Variants in SNTG1 observed in about 807,000 individuals in gnomAD.
SNTG1 encodes syntrophin gamma 1.
In SNTG1, 39 loss-of-function variants were observed where a neutral mutation model predicts 74.7. The observed-to-expected ratio is 0.52, with a 90% CI of 0.40 to 0.68. The LOEUF (loss-of-function observed/expected upper bound fraction) is 0.68. SNTG1 is among the 30% of genes least tolerant of loss of function. The probability of loss-of-function intolerance (pLI) is 0.00; values close to 1 mark genes in which losing one functional copy is unlikely to be tolerated. For synonymous variants in SNTG1, 254 were observed against 217.1 expected (o/e 1.17, Z -1.49); for missense variants, 685 against 609.5 (o/e 1.12, Z -1.30).
chr8:50,079,414 T>TG (rs963556730), intron 1 of SNTG1, among the ~76,000 whole-genome samples: 2 of 151,594 alleles, frequency 1.3e-5, no homozygotes, highest in African/African-American at 4.8e-5. Flanking sequence ...TTGTTTGTTT[T>TG]TTTTTTTCTT....
intron 2 of SNTG1, among the ~76,000 whole-genome samples, chr8:50,231,401 A>G (rs1172067002): frequency 6.6e-6 from 1 of 151,448 alleles, no homozygotes; most frequent in Non-Finnish European, 1.5e-5. Context: ...AAAAGATTTG[A>G]AATCAATATG....
At chr8:50,209,481 G>A (rs7817519) in intron 2 of SNTG1, among the ~76,000 whole-genome samples, 3 of 152,266 alleles carry the variant, frequency 2.0e-5, no homozygotes, top group South Asian at 2.1e-4. Flanking sequence ...AGTAGGGGCC[G>A]ACTGACACCT....
At chr8:50,206,630 T>A (rs1245238086) in intron 2 of SNTG1, among the ~76,000 whole-genome samples, 1 of 152,214 alleles carries the variant, frequency 6.6e-6, no homozygotes, top group Non-Finnish European at 1.5e-5. Context: ...AGAGAGGGCA[T>A]CCCTGTCTTG....
intron 8 of SNTG1, among the ~76,000 whole-genome samples, chr8:50,497,705 TA>T (rs2093916523): frequency 1.3e-5 from 2 of 151,966 alleles, no homozygotes; most frequent in African/African-American, 4.8e-5. Context: ...ATCAAGGTAA[TA>T]AAATACTCAT....
intron 2 of SNTG1, among the ~76,000 whole-genome samples, chr8:50,388,836 G>C (rs1216141096): frequency 6.6e-6 from 1 of 152,160 alleles, no homozygotes; most frequent in African/African-American, 2.4e-5. Flanking sequence ...GCACCACCTA[G>C]ATTAGTGTTT....
intron 15 of SNTG1, among the ~76,000 whole-genome samples, chr8:50,677,377 T>A (rs10429418): frequency 0.028 from 4,197 of 152,100 alleles, 169 homozygotes; most frequent in African/African-American, 0.092. Context: ...ATCTGGTTAG[T>A]AAAATTTTAT....
intron 17 of SNTG1, among the ~76,000 whole-genome samples, chr8:50,710,854 C>T (rs1475226184): frequency 6.6e-6 from 1 of 152,184 alleles, no homozygotes; most frequent in Non-Finnish European, 1.5e-5. Flanking sequence ...AAGCTTGATA[C>T]TCAAGGAAAG....
intron 1 of SNTG1, among the ~76,000 whole-genome samples, chr8:50,013,373 T>C (rs1161649994): frequency 2.0e-5 from 3 of 152,118 alleles, no homozygotes; most frequent in African/African-American, 7.2e-5. Flanking sequence ...TGTGAAAGAT[T>C]TGCTTGACAA....
At chr8:50,718,784 A>T (rs998467176) in intron 17 of SNTG1, among the ~76,000 whole-genome samples, 1 of 152,196 alleles carries the variant, frequency 6.6e-6, no homozygotes, top group African/African-American at 2.4e-5. Context: ...CATATTAGTA[A>T]ATGTGAAGAA....
At chr8:50,298,449 T>C (rs1209127744) in intron 2 of SNTG1, among the ~76,000 whole-genome samples, 2 of 152,052 alleles carry the variant, frequency 1.3e-5, no homozygotes, top group Admixed American at 6.6e-5. Context: ...CAGAGAAAAC[T>C]CATTTTCTTC....
intron 8 of SNTG1, among the ~76,000 whole-genome samples, chr8:50,464,686 C>G (rs1302376326): frequency 6.6e-6 from 1 of 151,978 alleles, no homozygotes; most frequent in East Asian, 1.9e-4. Flanking sequence ...TTAAAGTGGG[C>G]TGAGATCACA....
chr8:49,968,236 A>T (rs570464272), intron 1 of SNTG1, among the ~76,000 whole-genome samples: 3 of 152,258 alleles, frequency 2.0e-5, no homozygotes, highest in East Asian at 3.9e-4. Context: ...GAATCTGATG[A>T]TTTAAAATGT....
chr8:50,570,345 G>T (rs550646164), intron 12 of SNTG1, among the ~76,000 whole-genome samples: 1 of 145,334 alleles, frequency 6.9e-6, no homozygotes, highest in South Asian at 2.2e-4. Flanking sequence ...TGCAACCTCC[G>T]CCTCCAGGGT....
chr8:50,142,259 T>A (rs908667940), intron 1 of SNTG1, among the ~76,000 whole-genome samples: 1 of 152,058 alleles, frequency 6.6e-6, no homozygotes, highest in African/African-American at 2.4e-5. Context: ...AAGAATGAAT[T>A]CCTCTGTGTG....
chr8:50,090,229 A>C lies in SNTG1; in HGVS notation c.-102-82332A>C, dbSNP rs578142577. Among the ~76,000 whole-genome samples the C allele has an allele frequency of 6.6e-5, 10 of 152,308 alleles. No individual in the cohort carries two copies. In the East Asian group the frequency reaches 9.7e-4, roughly 15 times the overall value. On this transcript the variant is annotated intron_variant, in intron 1 of 18. Coordinates refer to ENST00000642720, the MANE Select transcript of SNTG1 (RefSeq NM_018967.5). ...ACTCAGGCTGTTTCACTTGCAAGTGACAAAATCCAGTTGTAAATTGGCTTA... is the reference window on the plus strand; with the variant it reads ...ACTCAGGCTGTTTCACTTGCAAGTGCCAAAATCCAGTTGTAAATTGGCTTA...
At chr8:50,157,278 A>C (rs910074397) in intron 1 of SNTG1, among the ~76,000 whole-genome samples, 3 of 152,106 alleles carry the variant, frequency 2.0e-5, no homozygotes, top group African/African-American at 7.2e-5. Flanking sequence ...AAATCAGAAG[A>C]GTGACTGTGC....
chr8:50,423,517 ACTT>A (rs1333723938), intron 4 of SNTG1, among the ~76,000 whole-genome samples: 2 of 152,196 alleles, frequency 1.3e-5, no homozygotes, highest in African/African-American at 2.4e-5. Flanking sequence ...ACTCAAGTTA[ACTT>A]CTTTATCTTT....
At chr8:50,235,415 A>G (rs777138864) in intron 2 of SNTG1, among the ~76,000 whole-genome samples, 1 of 152,196 alleles carries the variant, frequency 6.6e-6, no homozygotes, top group Non-Finnish European at 1.5e-5. Context: ...AGAATTAATC[A>G]TTCTGTATAT....
chr8:50,033,681 G>T (rs1009036568), intron 1 of SNTG1, among the ~76,000 whole-genome samples: 7 of 151,964 alleles, frequency 4.6e-5, no homozygotes, highest in Admixed American at 4.6e-4. Flanking sequence ...TAGCTCCCTG[G>T]TATCTCTGTG....
Sources: allele counts gnomAD v4.1 joint callset (sites outside exome capture counted in the v4.1 genomes callset), GRCh38; gene constraint gnomAD v4.1.1; transcripts MANE v1.5; gene names NCBI Gene and HGNC (gene_info 2026-07-23, HGNC 2026-07-21).